Variants in PDE4B observed in about 807,000 individuals in gnomAD.
PDE4B encodes the protein 3',5'-cyclic-AMP phosphodiesterase 4B.
PDE4B carries 20 observed loss-of-function variants against 82.2 expected under a neutral mutation model. That is an observed-to-expected ratio of 0.24 (90% CI 0.17 to 0.35). The LOEUF is 0.35. Ranked by LOEUF, PDE4B falls within the 10% of genes least tolerant of loss-of-function variation. PDE4B has a pLI of 1.00. For synonymous variants in PDE4B, 320 were observed against 318.9 expected (o/e 1.00, Z -0.04); for missense variants, 655 against 907.2 (o/e 0.72, Z 3.57).
intron 3 of PDE4B, among the ~76,000 whole-genome samples, chr1:66,052,555 G>GTTT (rs11375339): frequency 8.6e-5 from 12 of 139,406 alleles, no homozygotes; most frequent in African/African-American, 2.9e-4. Context: ...CAGGGACCGA[G>GTTT]TTTTTTTTTT....
At chr1:66,048,458 T>C (rs936018551) in intron 3 of PDE4B, among the ~76,000 whole-genome samples, 1 of 151,994 alleles carries the variant, frequency 6.6e-6, no homozygotes, top group South Asian at 2.1e-4. Context: ...TTTGGGAGAA[T>C]AGAGCAATGT....
chr1:65,847,192 C>G (rs1464734216), intron 1 of PDE4B, among the ~76,000 whole-genome samples: 1 of 152,152 alleles, frequency 6.6e-6, no homozygotes, highest in South Asian at 2.1e-4. Context: ...ATGTATTGAG[C>G]TCTTACTATA....
At chr1:65,956,759 C>T (rs1165901961) in intron 3 of PDE4B, among the ~76,000 whole-genome samples, 1 of 152,068 alleles carries the variant, frequency 6.6e-6, no homozygotes, top group East Asian at 1.9e-4. Flanking sequence ...CACATATGTA[C>T]CCGGAGAAGA....
At chr1:66,147,363 T>G (rs1646295949) in intron 3 of PDE4B, among the ~76,000 whole-genome samples, 2 of 152,038 alleles carry the variant, frequency 1.3e-5, no homozygotes, top group African/African-American at 4.8e-5. Context: ...GAAACTGAGG[T>G]TCAATATTGA....
At chr1:66,087,874 G>A (rs1388261310) in intron 3 of PDE4B, among the ~76,000 whole-genome samples, 1 of 115,186 alleles carries the variant, frequency 8.7e-6, no homozygotes, top group African/African-American at 3.3e-5. Context: ...GTTGTGGGGT[G>A]GGGGGAGGGG....
chr1:65,997,936 A>G (rs1328773524), intron 3 of PDE4B, among the ~76,000 whole-genome samples: 6 of 152,190 alleles, frequency 3.9e-5, no homozygotes, highest in Middle Eastern at 3.2e-3. Context: ...TCGAGAAGAG[A>G]TGACATTTGT....
At chr1:65,937,339 C>T (rs540618214) in intron 3 of PDE4B, among the ~76,000 whole-genome samples, 1 of 152,314 alleles carries the variant, frequency 6.6e-6, no homozygotes, top group Admixed American at 6.5e-5. Flanking sequence ...GTGGTTGGTT[C>T]ACTGAGGTGG....
intron 1 of PDE4B, among the ~76,000 whole-genome samples, chr1:65,870,066 C>T (rs576149815): frequency 1.3e-5 from 2 of 152,220 alleles, no homozygotes; most frequent in South Asian, 4.1e-4. Context: ...TTTTTCCATT[C>T]AATGCTCACT....
chr1:66,247,689 A>G (rs776677429), intron 4 of PDE4B, 35 bp downstream of exon 4: 2 of 1,475,280 alleles, frequency 1.4e-6, no homozygotes, highest in Non-Finnish European at 9.2e-7. Flanking sequence ...CCAGTTTCAC[A>G]TTTACCTCAT....
At chr1:66,130,494 C>T (rs572053459) in intron 3 of PDE4B, among the ~76,000 whole-genome samples, 1 of 152,164 alleles carries the variant, frequency 6.6e-6, no homozygotes, top group Non-Finnish European at 1.5e-5. Flanking sequence ...TGAGGGACAC[C>T]TCACAGACCC....
At chr1:65,891,759 A>G (rs1008521507) in intron 1 of PDE4B, among the ~76,000 whole-genome samples, 2 of 152,112 alleles carry the variant, frequency 1.3e-5, no homozygotes, top group African/African-American at 4.8e-5. Flanking sequence ...GGTGCACTGT[A>G]CTAATAGTAC....
chr1:65,939,719 T>C (rs147707648), intron 3 of PDE4B, among the ~76,000 whole-genome samples: 4 of 152,246 alleles, frequency 2.6e-5, no homozygotes, highest in African/African-American at 7.2e-5. Context: ...TATATAATTA[T>C]TCAAAATAAG....
chr1:66,209,391 C>T (rs746220044), intron 3 of PDE4B, among the ~76,000 whole-genome samples: 6 of 152,154 alleles, frequency 3.9e-5, no homozygotes, highest in Admixed American at 3.9e-4. Context: ...GGTTACGTAG[C>T]TCCTAACTGG....
intron 1 of PDE4B, among the ~76,000 whole-genome samples, chr1:65,864,928 TCTC>T (rs1646494457): frequency 6.6e-6 from 1 of 152,116 alleles, no homozygotes; most frequent in Admixed American, 6.5e-5. Context: ...TATCAGCTGC[TCTC>T]CTCAGAGCCC....
chr1:66,126,193 G>T (rs1283449011), intron 3 of PDE4B, among the ~76,000 whole-genome samples: 1 of 152,178 alleles, frequency 6.6e-6, no homozygotes, highest in Non-Finnish European at 1.5e-5. Flanking sequence ...GTCACTAAGG[G>T]ACAATAAAAA....
rs537961017 is a variant in PDE4B, at chr1:66,285,794, A to G, written c.634+19707A>G. Among the ~76,000 whole-genome samples, 3 of 152,250 alleles carry G rather than the reference A, an allele frequency of 2.0e-5. No individual in the cohort carries two copies. The South Asian group carries it at 6.2e-4, about 32-fold the overall frequency. On this transcript the variant is annotated intron_variant, in intron 7 of 16. Transcript: ENST00000341517. ...CAGGAACCAAGAAAAGAGCTGTACA[A>G]TGCTGCAGGCAGGAAGTAACAAGAG... is the stretch of plus-strand genomic sequence containing the variant.
At chr1:66,092,238 G>A (rs886780465) in intron 3 of PDE4B, among the ~76,000 whole-genome samples, 3 of 151,918 alleles carry the variant, frequency 2.0e-5, no homozygotes, top group Admixed American at 1.3e-4. Flanking sequence ...TTGTTGATAG[G>A]TTCTTGGAAA....
intron 1 of PDE4B, among the ~76,000 whole-genome samples, chr1:65,812,892 A>G (rs1468076012): frequency 6.6e-6 from 1 of 152,214 alleles, no homozygotes; most frequent in African/African-American, 2.4e-5. Flanking sequence ...TTGCCTGTCA[A>G]CTGCTTTCTA....
intron 3 of PDE4B, among the ~76,000 whole-genome samples, chr1:66,128,501 A>C (rs1165259411): frequency 6.6e-6 from 1 of 152,210 alleles, no homozygotes; most frequent in African/African-American, 2.4e-5. Context: ...TGTATTCAAG[A>C]TGTTCACTTG....
Sources: allele counts gnomAD v4.1 joint callset (sites outside exome capture counted in the v4.1 genomes callset), GRCh38; gene constraint gnomAD v4.1.1; transcripts MANE v1.5; gene names NCBI Gene and HGNC (gene_info 2026-07-23, HGNC 2026-07-21).